The following ZNF654 variants were observed in gnomAD, a reference collection of about 807,000 sequenced individuals.
The protein encoded by ZNF654 is melanoma-associated antigen.
In ZNF654, 19 loss-of-function variants were observed where a neutral mutation model predicts 95.3. That is an observed-to-expected ratio of 0.20 (90% CI 0.14 to 0.29). The LOEUF (loss-of-function observed/expected upper bound fraction) is 0.29. Ranked by LOEUF, ZNF654 falls within the 10% of genes least tolerant of loss-of-function variation. The probability of loss-of-function intolerance (pLI) is 1.00; values close to 1 mark genes in which losing one functional copy is unlikely to be tolerated. For missense variants in ZNF654, 1,046 were observed against 1,341.0 expected (o/e 0.78, Z 3.44); for synonymous variants, 413 against 457.9 (o/e 0.90, Z 1.25).
chr3:88,104,733 TAAAA>T (rs1458648756), intron 2 of ZNF654, among the ~76,000 whole-genome samples: 1 of 152,222 alleles, frequency 6.6e-6, no homozygotes, highest in Non-Finnish European at 1.5e-5. Context: ...AATGGAATCT[TAAAA>T]TTGCTCAGTC....
rs921886167 is a variant in ZNF654 at position 88,141,057 on chromosome 3, TC to T, written c.3379+10del. The T allele has an allele frequency of 6.3e-7, 1 of 1,579,264 alleles. No homozygotes were observed. Among genetic ancestry groups the T allele is most frequent in the African/African-American group, 1.4e-5 (1 of 73,590 alleles). ...TGATTCAGATGATGAAAGTAAGTCT[TC>T]TGTCTTCTTAGTAGAGGTATCTGTA... On this transcript the variant is annotated intron_variant, in intron 8 of 8. Transcript: ENST00000636215.
chr3:88,085,352 T>C (rs73148006), intron 1 of ZNF654, among the ~76,000 whole-genome samples: 10,262 of 152,276 alleles, frequency 0.067, 476 homozygotes, highest in Non-Finnish European at 0.1. Flanking sequence ...ATGAACCTGG[T>C]TGTGTTCCAA....
In ZNF654 at chr3:88,128,864, C is replaced by G; in HGVS notation, c.606C>G (p.Tyr202Ter). 6.5e-7 allele frequency: 1 copy of G among 1,535,430 alleles called. No homozygotes were observed. The highest frequency in any genetic ancestry group is 1.4e-5 in the African/African-American group (1 of 73,076). Residue 202 changes from tyrosine (Y) to a stop codon, truncating the protein, a stop_gained, in exon 5 of 9, where the codon TAC (tyrosine) becomes TAG (stop). Coordinates refer to ENST00000636215, the MANE Select transcript of ZNF654 (RefSeq NM_001350134.2). LOFTEE classifies it high-confidence loss of function. ...NPLFFELRAR[Y>*]LIACERIPEA... is the part of the protein sequence containing the mutation. ...TGTTCTTTGAACTACGTGCCAGATA[C>G]CTAATTGCTTGTGAACGCATACCCG...
chr3:88,101,838 C>T (rs1327400213), intron 2 of ZNF654, among the ~76,000 whole-genome samples: 1 of 152,256 alleles, frequency 6.6e-6, no homozygotes, highest in Non-Finnish European at 1.5e-5. Context: ...TTATCTTTTT[C>T]ATAATAGCCA....
At chr3:88,124,336 T>G (rs1226689460) in intron 3 of ZNF654, among the ~76,000 whole-genome samples, 2 of 152,224 alleles carry the variant, frequency 1.3e-5, no homozygotes, top group East Asian at 3.8e-4. Context: ...TTTTGTTTGC[T>G]TGATTGCTTA....
intron 7 of ZNF654, among the ~76,000 whole-genome samples, chr3:88,137,378 G>A (rs147615800): frequency 1.9e-3 from 282 of 152,074 alleles, no homozygotes; most frequent in Middle Eastern, 6.8e-3. Flanking sequence ...TGTAAATGAT[G>A]GATTTATAGG....
chr3:88,120,916 C>G (rs1410812160), intron 3 of ZNF654, among the ~76,000 whole-genome samples: 2 of 151,994 alleles, frequency 1.3e-5, no homozygotes, highest in African/African-American at 2.4e-5. Flanking sequence ...GATGTTTGGT[C>G]ATAAGTTGAA....
At chr3:88,115,338 C>T (rs571960519) in intron 3 of ZNF654, among the ~76,000 whole-genome samples, 1 of 152,300 alleles carries the variant, frequency 6.6e-6, no homozygotes, top group African/African-American at 2.4e-5. Context: ...ACTGTGTCAT[C>T]CTGGGCAAGT....
At position 88,141,824 on chromosome 3, in the gene ZNF654, G is replaced by A; in HGVS notation, c.*172G>A. On this transcript the variant is annotated 3_prime_UTR_variant, in exon 9 of 9. Transcript: ENST00000636215. Reference sequence around the variant, plus strand: ...TAGAATGAACTCACAGAGATGTGCTGGCTTAGACTCCAAAAGGATTATAAA... The same window carrying A: ...TAGAATGAACTCACAGAGATGTGCTAGCTTAGACTCCAAAAGGATTATAAA... 2.2e-6 allele frequency: 1 copy of A among 459,624 alleles called. No individual in the cohort carries two copies. Among genetic ancestry groups the A allele is most frequent in the Non-Finnish European group, 3.8e-6 (1 of 262,710 alleles). The allele number at this position is 459,624 out of a possible 1,614,324, so 28.5% of individuals were successfully genotyped here. A position where few individuals can be genotyped will look rare whatever the true frequency, so the allele number is the denominator to read the frequency against.
At chr3:88,116,561 TACACAC>T (rs61470020) in intron 3 of ZNF654, among the ~76,000 whole-genome samples, 1 of 150,918 alleles carries the variant, frequency 6.6e-6, no homozygotes, top group Non-Finnish European at 1.5e-5. Context: ...TACATATATA[TACACAC>T]ACACACACAC....
intron 2 of ZNF654, among the ~76,000 whole-genome samples, chr3:88,100,754 G>A (rs1267007732): frequency 6.6e-6 from 1 of 151,800 alleles, no homozygotes; most frequent in Non-Finnish European, 1.5e-5. Context: ...GGTGGGAATT[G>A]AACAATGAGA....
At chr3:88,066,559 AAAAC>A (rs1295013688) in intron 1 of ZNF654, among the ~76,000 whole-genome samples, 1 of 152,172 alleles carries the variant, frequency 6.6e-6, no homozygotes, top group Non-Finnish European at 1.5e-5. Context: ...GAGACTGTGT[AAAAC>A]AAACAAACAA....
At chr3:88,122,511 A>G (rs1432457370) in intron 3 of ZNF654, among the ~76,000 whole-genome samples, 2 of 152,190 alleles carry the variant, frequency 1.3e-5, no homozygotes, top group African/African-American at 2.4e-5. Flanking sequence ...GGGGTAAAAT[A>G]TTAAGAAATG....
rs1706335329 is a variant in ZNF654 at position 88,129,733 on chromosome 3, A to G, written c.800A>G (p.Asn267Ser). Residue 267 changes from asparagine (N) to serine (S), a missense_variant, in exon 6 of 9, where the codon AAT becomes AGT. This residue lies in a region of ZNF654 where 121 missense variants were observed against 141.7 expected (regional missense o/e 0.85). Transcript: ENST00000636215. The part of the protein sequence containing the change: ...DCKSGIDIIC[N>S]AEKEGKTMLA... Reference sequence around the variant, plus strand: ...AAGAGTGGAATTGATATCATCTGTAATGCTGAAAAAGAAGGCAAAACTATG... The same window carrying G: ...AAGAGTGGAATTGATATCATCTGTAGTGCTGAAAAAGAAGGCAAAACTATG... The G allele has an allele frequency of 6.5e-7, 1 of 1,528,280 alleles. No homozygotes were observed. Among genetic ancestry groups the G allele is most frequent in the South Asian group, 1.2e-5 (1 of 83,096 alleles). The allele number at this position is 1,528,280 out of a possible 1,614,324, so 94.7% of individuals were successfully genotyped here.
At chr3:88,066,901 C>T (rs891533908) in intron 1 of ZNF654, among the ~76,000 whole-genome samples, 1 of 152,114 alleles carries the variant, frequency 6.6e-6, no homozygotes, top group Non-Finnish European at 1.5e-5. Context: ...TTGAATGACA[C>T]ATTAATTGTA....
rs1421811409 is a variant in ZNF654, at chr3:88,139,649, A to T, written c.1980A>T (p.Glu660Asp). 2.5e-5 allele frequency: 40 copies of T among 1,611,792 alleles called. No individual in the cohort carries two copies. The highest frequency in any genetic ancestry group is 4.0e-5 in the African/African-American group (3 of 74,914). The change falls in exon 8 of 9, where the codon GAA becomes GAT. Residue 660 changes from glutamate to aspartate, a missense_variant. Glu to Asp is a conservative substitution (Grantham distance 45, BLOSUM62 2). Transcript: ENST00000636215. ...NKEVIPEHVA[E>D]FIEIPISVPE... ...AAGTCATCCCTGAGCATGTGGCTGA[A>T]TTCATTGAAATTCCCATAAGTGTAC...
intron 6 of ZNF654, among the ~76,000 whole-genome samples, chr3:88,130,237 C>T (rs2107839212): frequency 6.6e-6 from 1 of 152,256 alleles, no homozygotes; most frequent in South Asian, 2.1e-4. Context: ...TCTGTTTCCT[C>T]AGCTCCAGTA....
chr3:88,141,714 A>G lies in ZNF654; in HGVS notation c.*62A>G. 2 of 1,313,128 alleles carry G rather than the reference A, an allele frequency of 1.5e-6. No homozygotes were observed. The highest frequency in any genetic ancestry group is 1.7e-5 in the South Asian group (1 of 57,788). The allele number at this position is 1,313,128 out of a possible 1,614,324, so 81.3% of individuals were successfully genotyped here. On this transcript the variant is annotated 3_prime_UTR_variant, in exon 9 of 9. Transcript: ENST00000636215. ...AGTGTGAAAAAAGCACTATAAGAAA[A>G]TGCATCATCAGTTTGCTATTTCCCT... is the stretch of plus-strand genomic sequence containing the variant.
intron 6 of ZNF654, among the ~76,000 whole-genome samples, chr3:88,132,237 G>C (rs1200199682): frequency 6.7e-6 from 1 of 149,318 alleles, no homozygotes; most frequent in Admixed American, 6.7e-5. Context: ...GGTCAAGTTT[G>C]AAAAAAAAAA....
Sources: gnomAD v4.1 joint callset for allele counts (sites outside exome capture counted in the v4.1 genomes callset) on GRCh38, gnomAD v4.1.1 for gene constraint, gnomAD v4.1.1 regional missense constraint, MANE v1.5 for transcripts, NCBI Gene and HGNC (gene_info 2026-07-23, HGNC 2026-07-21) for gene names.